NRG1: variants seen among roughly 807,000 people sequenced by gnomAD.
NRG1 encodes the protein pro-neuregulin-1, membrane-bound isoform.
A neutral mutation model predicts 63.8 loss-of-function variants in NRG1; 18 were observed. The ratio of observed to expected loss-of-function variants is 0.28; its 90% CI spans 0.19 to 0.42. The LOEUF (loss-of-function observed/expected upper bound fraction) is 0.42, where lower values mean the gene tolerates loss of function less well. Ranked by LOEUF, NRG1 falls within the 10% of genes least tolerant of loss-of-function variation. The pLI, the probability that NRG1 is intolerant of heterozygous loss-of-function variation, is 1.00. For synonymous variants in NRG1, 302 were observed against 301.3 expected (o/e 1.00, Z -0.02); for missense variants, 762 against 814.7 (o/e 0.94, Z 0.79).
chr8:32,441,877 C>G (rs1301454837), intron 1 of NRG1, among the ~76,000 whole-genome samples: 1 of 152,054 alleles, frequency 6.6e-6, no homozygotes, highest in Non-Finnish European at 1.5e-5. Flanking sequence ...AACTCTGGTA[C>G]TCGATTTTCT....
intron 1 of NRG1, among the ~76,000 whole-genome samples, chr8:31,787,837 T>C (rs1012660023): frequency 6.6e-6 from 1 of 152,178 alleles, no homozygotes; most frequent in African/African-American, 2.4e-5. Context: ...ATTGGTTAAA[T>C]CAATATTCTC....
At chr8:32,759,477 G>A in intron 10 of NRG1, 41 bp downstream of exon 10, 1 of 1,604,376 alleles carries the variant, frequency 6.2e-7, no homozygotes, top group Non-Finnish European at 8.5e-7. Flanking sequence ...CTCTCAGAAT[G>A]AATTGTTGCA....
intron 7 of NRG1, chr8:32,743,263 T>C (rs1826763620): frequency 1.0e-6 from 1 of 976,532 alleles, no homozygotes; most frequent in Non-Finnish European, 1.2e-6. Flanking sequence ...ACAGTTTGCA[T>C]TGAGGCATTT....
chr8:31,692,755 C>A (rs1030246385), intron 1 of NRG1, among the ~76,000 whole-genome samples: 1 of 152,058 alleles, frequency 6.6e-6, no homozygotes, highest in African/African-American at 2.4e-5. Context: ...TTGGGCCTGA[C>A]CTGTTGGTGA....
In NRG1 at chr8:32,251,338, G is replaced by A. The variant is rs77772405; in HGVS notation, c.38-344490G>A. On this transcript the variant is annotated intron_variant, in intron 1 of 10. Transcript: ENST00000519301. The stretch of plus-strand genomic sequence containing the variant: ...TTTTCTGTTCCTGTGTTAGTTTGCT[G>A]AGAATAATAGCTTTCAGCTTCATCC... Among the ~76,000 whole-genome samples, 25 of 152,194 alleles carry A rather than the reference G, an allele frequency of 1.6e-4. 1 individual carries two copies. Among genetic ancestry groups the A allele is most frequent in the African/African-American group, 5.8e-4 (24 of 41,504 alleles).
At chr8:32,542,407 A>G (rs1404469047) in intron 1 of NRG1, among the ~76,000 whole-genome samples, 1 of 152,240 alleles carries the variant, frequency 6.6e-6, no homozygotes, top group Non-Finnish European at 1.5e-5. Flanking sequence ...TTCTGTATGT[A>G]TAGTCTTACA....
chr8:32,748,810 G>C, intron 7 of NRG1: 2 of 426,360 alleles, frequency 4.7e-6, no homozygotes, highest in Non-Finnish European at 9.4e-6. Context: ...GCGTAGAATT[G>C]TCCTATGCCA....
intron 1 of NRG1, among the ~76,000 whole-genome samples, chr8:32,579,951 A>G (rs1441570243): frequency 6.6e-6 from 1 of 152,192 alleles, no homozygotes; most frequent in African/African-American, 2.4e-5. Context: ...CAAGCCAACA[A>G]CATGACATCT....
At chr8:31,836,385 A>G (rs1825689598) in intron 1 of NRG1, among the ~76,000 whole-genome samples, 1 of 152,124 alleles carries the variant, frequency 6.6e-6, no homozygotes, top group South Asian at 2.1e-4. Flanking sequence ...GTTGGGAGCA[A>G]AAGAGTTGAA....
At chr8:32,040,387 A>G (rs1041648999) in intron 1 of NRG1, among the ~76,000 whole-genome samples, 1 of 152,098 alleles carries the variant, frequency 6.6e-6, no homozygotes, top group Non-Finnish European at 1.5e-5. Flanking sequence ...ATTGTGTTTT[A>G]AAAAGTCAAA....
chr8:32,567,007 T>C (rs1459309680), intron 1 of NRG1, among the ~76,000 whole-genome samples: 1 of 152,162 alleles, frequency 6.6e-6, no homozygotes, highest in Non-Finnish European at 1.5e-5. Context: ...CACACCCGGC[T>C]AATTTTTGTA....
At position 32,761,413 on chromosome 8, in the gene NRG1, G is replaced by A. The variant is rs192945843; in HGVS notation, c.1259+1007G>A. On this transcript the variant is annotated intron_variant, in intron 11 of 11. Transcript: ENST00000356819. The stretch of plus-strand genomic sequence containing the variant: ...AGTCTTTCCACTCTTGGACTGGGAA[G>A]TTACTTCCAATAAAATAACACATTC... Among the ~76,000 whole-genome samples the A allele has an allele frequency of 1.6e-4, 24 of 152,196 alleles. No homozygotes were observed. In the Middle Eastern group the frequency reaches 0.01, roughly 65 times the overall value.
chr8:31,906,834 A>C (rs1832556435), intron 1 of NRG1, among the ~76,000 whole-genome samples: 1 of 152,166 alleles, frequency 6.6e-6, no homozygotes, highest in Non-Finnish European at 1.5e-5. Flanking sequence ...AAGTTTGTCA[A>C]GTGAAATGGA....
At chr8:32,093,688 A>C (rs1024184391) in intron 1 of NRG1, among the ~76,000 whole-genome samples, 2 of 152,194 alleles carry the variant, frequency 1.3e-5, no homozygotes, top group African/African-American at 4.8e-5. Context: ...ATAAACAATA[A>C]AACAAAATCC....
chr8:31,972,316 A>G (rs1807426473), intron 1 of NRG1, among the ~76,000 whole-genome samples: 1 of 151,778 alleles, frequency 6.6e-6, no homozygotes, highest in Non-Finnish European at 1.5e-5. Context: ...GGATTTCTTC[A>G]TTTGCTTGGA....
intron 1 of NRG1, chr8:32,026,384 A>AT (rs1817381926): frequency 6.6e-6 from 1 of 151,916 alleles, no homozygotes; most frequent in East Asian, 1.9e-4. Context: ...TTTTTTGCTT[A>AT]TTTTTTCCCC....
At chr8:31,665,688 C>G (rs1018859153) in intron 1 of NRG1, among the ~76,000 whole-genome samples, 5 of 152,118 alleles carry the variant, frequency 3.3e-5, no homozygotes, top group Admixed American at 6.5e-5. Context: ...TTTGATTAGT[C>G]AATCTAGAAA....
chr8:31,734,086 A>G (rs1814403696), intron 1 of NRG1, among the ~76,000 whole-genome samples: 1 of 152,096 alleles, frequency 6.6e-6, no homozygotes, highest in Admixed American at 6.6e-5. Flanking sequence ...CATGCATGTA[A>G]TCCCAGGCTT....
At chr8:31,862,097 A>G (rs1828522705) in intron 1 of NRG1, among the ~76,000 whole-genome samples, 1 of 152,192 alleles carries the variant, frequency 6.6e-6, no homozygotes, top group Admixed American at 6.5e-5. Flanking sequence ...TTTGGAGAGA[A>G]GGAAACCCTG....
Sources: allele counts gnomAD v4.1 joint callset (sites outside exome capture counted in the v4.1 genomes callset), GRCh38; gene constraint gnomAD v4.1.1; transcripts MANE v1.5; gene names NCBI Gene and HGNC (gene_info 2026-07-23, HGNC 2026-07-21).